VPS26C: variants seen among roughly 807,000 people sequenced by gnomAD.
VPS26C encodes the protein VPS26 endosomal protein sorting factor C.
Under a neutral mutation model 30.6 loss-of-function variants are expected in VPS26C, and 19 were observed. The ratio of observed to expected loss-of-function variants is 0.62; its 90% CI spans 0.43 to 0.91. VPS26C has a LOEUF of 0.91. Among genes scored for constraint, VPS26C ranks in the 40% least tolerant of loss-of-function variants. VPS26C has a pLI of 0.00. For synonymous variants in VPS26C, 132 were observed against 151.5 expected (o/e 0.87, Z 0.95); for missense variants, 318 against 385.1 (o/e 0.83, Z 1.46).
At chr21:37,228,068 G>A (rs966730215) in intron 6 of VPS26C, among the ~76,000 whole-genome samples, 155 bp downstream of exon 6, 10 of 152,196 alleles carry the variant, frequency 6.6e-5, no homozygotes, top group Admixed American at 1.3e-4. Context: ...GCTCACTGCA[G>A]CCTCAAACCA....
upstream of VPS26C, chr21:37,267,584 G>C: frequency 4.0e-6 from 2 of 500,878 alleles, no homozygotes; most frequent in Admixed American, 7.7e-5. Context: ...CCCTTCCGTA[G>C]GGACAGTCTT....
At chr21:37,267,563 G>A (rs546951411), upstream of VPS26C, 2 of 544,634 alleles carry the variant, frequency 3.7e-6, no homozygotes, top group Admixed American at 3.6e-5. Context: ...ACGGGGCCAA[G>A]CTAGCCCCAC....
intron 1 of VPS26C, among the ~76,000 whole-genome samples, chr21:37,255,777 G>A (rs1416704079): frequency 6.6e-6 from 1 of 151,290 alleles, no homozygotes; most frequent in African/African-American, 2.4e-5. Context: ...GTAAACTGGT[G>A]GGTCTGTACC....
At chr21:37,265,121 G>A (rs909061596) in intron 1 of VPS26C, among the ~76,000 whole-genome samples, 1 of 152,166 alleles carries the variant, frequency 6.6e-6, no homozygotes, top group Non-Finnish European at 1.5e-5. Flanking sequence ...GACTGCCAGG[G>A]GTCAGGAGGG....
intron 1 of VPS26C, among the ~76,000 whole-genome samples, chr21:37,252,170 C>T (rs893721010): frequency 6.6e-6 from 1 of 152,206 alleles, no homozygotes; most frequent in African/African-American, 2.4e-5. Context: ...GAAAACAAAA[C>T]ACCAAGGTAA....
chr21:37,233,186 A>G lies in VPS26C; in HGVS notation c.432+176T>C, dbSNP rs1602266157. On this transcript the variant is annotated intron_variant, in intron 4 of 7. Coordinates refer to ENST00000309117, the MANE Select transcript of VPS26C (RefSeq NM_006052.2). The surrounding 1 kb of genome is among the most constrained non-coding windows in gnomAD (Gnocchi z 5.2). ...GCTGGGGGACTCTGGGCCCAGGACA[A>G]TGATGCACACGTGATGCGCATGCCA... 2 of 599,862 alleles carry G rather than the reference A, an allele frequency of 3.3e-6. No homozygotes were observed. Among genetic ancestry groups the G allele is most frequent in the East Asian group, 2.8e-5 (1 of 35,300 alleles). The allele number at this position is 599,862 out of a possible 1,614,324, so 37.2% of individuals were successfully genotyped here.
intron 1 of VPS26C, among the ~76,000 whole-genome samples, chr21:37,260,600 C>A (rs926983499): frequency 6.6e-6 from 1 of 152,182 alleles, no homozygotes; most frequent in African/African-American, 2.4e-5. Flanking sequence ...AGCAATGCTG[C>A]AAGCTTGGAG....
At chr21:37,225,829 G>A (rs540741546) in intron 7 of VPS26C, 27 of 581,784 alleles carry the variant, frequency 4.6e-5, no homozygotes, top group Non-Finnish European at 7.8e-5. Flanking sequence ...GACTACCTCT[G>A]TCAACTTTCT....
At chr21:37,256,315 C>T (rs2086243082) in intron 1 of VPS26C, among the ~76,000 whole-genome samples, 1 of 152,178 alleles carries the variant, frequency 6.6e-6, no homozygotes, top group African/African-American at 2.4e-5. Context: ...CCTCAGCAGC[C>T]ACTTTGGGAT....
At chr21:37,267,499 T>C (rs1435266924), upstream of VPS26C, 3 of 593,246 alleles carry the variant, frequency 5.1e-6, no homozygotes, top group Non-Finnish European at 9.0e-6. Flanking sequence ...GAGCCGGCCT[T>C]AGTGCGGGCC....
At chr21:37,255,851 A>ATTTTCTTTT (rs2086236930) in intron 1 of VPS26C, among the ~76,000 whole-genome samples, 1 of 108,514 alleles carries the variant, frequency 9.2e-6, no homozygotes, top group Non-Finnish European at 1.7e-5. Flanking sequence ...TATGCACTGC[A>ATTTTCTTTT]TTTTTTTTTT....
intron 1 of VPS26C, among the ~76,000 whole-genome samples, chr21:37,242,136 A>G (rs1346493352): frequency 6.6e-6 from 1 of 152,226 alleles, no homozygotes; most frequent in Non-Finnish European, 1.5e-5. Context: ...TAAAATGGAG[A>G]TGACTGTGTT....
Position 37,226,459 on chromosome 21 carries a change from C to G in VPS26C, c.812-833G>C, listed in dbSNP as rs141871524. 1,563 of 152,454 alleles carry G rather than the reference C, an allele frequency of 0.01. 17 individuals carry two copies. The highest frequency in any genetic ancestry group is 0.03 in the East Asian group (154 of 5,186). 9.4% of individuals were successfully genotyped at this position (152,454 alleles called of 1,614,324 possible). On this transcript the variant is annotated intron_variant, in intron 7 of 7. Coordinates refer to ENST00000309117, the MANE Select transcript of VPS26C (RefSeq NM_006052.2). The surrounding 1 kb of genome is among the most constrained non-coding windows in gnomAD (Gnocchi z 4.1). ...CGGCCACCAGCAGTGGCCGGCCTGT[C>G]CTTCCTCACTTTATTGTCACTACAT...
intron 1 of VPS26C, among the ~76,000 whole-genome samples, chr21:37,265,314 G>C (rs1447759577): frequency 1.3e-5 from 2 of 152,124 alleles, no homozygotes; most frequent in Non-Finnish European, 2.9e-5. Context: ...TTTTTAAAAA[G>C]AATACAAAGT....
chr21:37,227,330 C>T (rs2085910733), intron 7 of VPS26C: 2 of 281,926 alleles, frequency 7.1e-6, no homozygotes, highest in Non-Finnish European at 1.3e-5. Flanking sequence ...CTCAGCGTCA[C>T]CTGCCCATGT....
intron 1 of VPS26C, among the ~76,000 whole-genome samples, chr21:37,244,694 T>C (rs2086119464): frequency 6.6e-6 from 1 of 152,132 alleles, no homozygotes; most frequent in Non-Finnish European, 1.5e-5. Flanking sequence ...ACCCAAAGAA[T>C]GAGAACCAAA....
chr21:37,253,780 T>C (rs2086216309), intron 1 of VPS26C, among the ~76,000 whole-genome samples: 1 of 152,176 alleles, frequency 6.6e-6, no homozygotes, highest in African/African-American at 2.4e-5. Flanking sequence ...GTCCAAAGCT[T>C]TCTGGGCACT....
Position 37,223,996 on chromosome 21 carries a change from A to T in VPS26C, c.*1548T>A, listed in dbSNP as rs2085874168. The T allele has an allele frequency of 6.6e-6, 1 of 152,252 alleles. No individual in the cohort carries two copies. The highest frequency in any genetic ancestry group is 1.5e-5 in the Non-Finnish European group (1 of 68,046). 9.4% of individuals were successfully genotyped at this position (152,252 alleles called of 1,614,324 possible). A position where few individuals can be genotyped will look rare whatever the true frequency, so the allele number is the denominator to read the frequency against. On this transcript the variant is annotated 3_prime_UTR_variant, in exon 8 of 8. Transcript: ENST00000309117. The stretch of plus-strand genomic sequence containing the variant: ...TGCAATAGTCCATATCCTTCGAACC[A>T]CAAAGGGAGACTGAGGAAATGCTGG...
At chr21:37,239,207 T>G (rs753529782) in intron 2 of VPS26C, among the ~76,000 whole-genome samples, 1 of 152,220 alleles carries the variant, frequency 6.6e-6, no homozygotes, top group Non-Finnish European at 1.5e-5. Flanking sequence ...TTTTAAGCAT[T>G]TATAGTTTAA....
Sources: gnomAD v4.1 joint callset for allele counts (sites outside exome capture counted in the v4.1 genomes callset) on GRCh38, gnomAD v4.1.1 for gene constraint, Gnocchi (gnomAD v3.1) non-coding constraint, MANE v1.5 for transcripts, NCBI Gene and HGNC (gene_info 2026-07-23, HGNC 2026-07-21) for gene names.